FOCAD: variants seen among roughly 807,000 people sequenced by gnomAD.
The protein encoded by FOCAD is focadhesin.
A neutral mutation model predicts 225.6 loss-of-function variants in FOCAD; 198 were observed. That is an observed-to-expected ratio of 0.88 (90% CI 0.78 to 0.99). The LOEUF (loss-of-function observed/expected upper bound fraction) is 0.99, where lower values mean the gene tolerates loss of function less well. Ranked by LOEUF, FOCAD falls within the 50% of genes least tolerant of loss-of-function variation. FOCAD has a pLI of 0.00. For missense variants in FOCAD, 2,713 were observed against 2,123.6 expected (o/e 1.28, Z -5.46); for synonymous variants, 897 against 755.0 (o/e 1.19, Z -3.08).
chr9:20,672,237 T>C (rs1007051718), intron 2 of FOCAD, among the ~76,000 whole-genome samples: 7 of 152,192 alleles, frequency 4.6e-5, no homozygotes, highest in African/African-American at 1.2e-4. Context: ...ATTCAGAAGG[T>C]TGAATTATAA....
At chr9:20,954,308 C>G (rs970057511) in intron 35 of FOCAD, among the ~76,000 whole-genome samples, 2 of 151,998 alleles carry the variant, frequency 1.3e-5, no homozygotes, top group Non-Finnish European at 2.9e-5. Flanking sequence ...AAAATTCTTA[C>G]TAAATGAGAA....
chr9:20,707,699 G>A (rs1456751856), intron 1 of FOCAD, among the ~76,000 whole-genome samples: 1 of 152,142 alleles, frequency 6.6e-6, no homozygotes, highest in Non-Finnish European at 1.5e-5. Context: ...GGAAGAAAAG[G>A]GGAGGTTGGT....
At chr9:20,995,042 C>A (rs1841956080) in intron 43 of FOCAD, among the ~76,000 whole-genome samples, 1 of 152,034 alleles carries the variant, frequency 6.6e-6, no homozygotes, top group Non-Finnish European at 1.5e-5. Flanking sequence ...CCCTGAGGGA[C>A]CTGTGACAGA....
chr9:20,981,781 T>C (rs1010871118), intron 38 of FOCAD, 95 bp downstream of exon 38: 7 of 1,367,396 alleles, frequency 5.1e-6, no homozygotes, highest in African/African-American at 1.5e-5. Context: ...TTTAAGAATG[T>C]GGGTGGGAAG....
At chr9:20,668,425 A>G (rs1563865406) in intron 2 of FOCAD, among the ~76,000 whole-genome samples, 1 of 152,226 alleles carries the variant, frequency 6.6e-6, no homozygotes, top group African/African-American at 2.4e-5. Context: ...GCATTATTAT[A>G]CTGTGCAATA....
intron 15 of FOCAD, among the ~76,000 whole-genome samples, chr9:20,832,049 G>T (rs1007897776): frequency 1.3e-5 from 2 of 152,022 alleles, no homozygotes; most frequent in Non-Finnish European, 2.9e-5. Flanking sequence ...TCTTTTTAGG[G>T]TTGAGTAATA....
At chr9:20,939,360 C>T (rs1564179629) in intron 28 of FOCAD, among the ~76,000 whole-genome samples, 3 of 152,112 alleles carry the variant, frequency 2.0e-5, no homozygotes, top group Admixed American at 6.5e-5. Context: ...TTTCATGTCT[C>T]TTTCCATCCC....
intron 3 of FOCAD, among the ~76,000 whole-genome samples, chr9:20,719,982 C>G: frequency 6.6e-6 from 1 of 151,994 alleles, no homozygotes; most frequent in East Asian, 1.9e-4. Context: ...CTGTTATTGT[C>G]ATTGAAGGCT....
intron 8 of FOCAD, among the ~76,000 whole-genome samples, chr9:20,775,275 G>A (rs1380091898): frequency 6.6e-6 from 1 of 152,164 alleles, no homozygotes; most frequent in Admixed American, 6.5e-5. Flanking sequence ...AAGCAAAACA[G>A]ATGTACCCTG....
At chr9:20,819,050 A>G (rs1824035944) in intron 11 of FOCAD, among the ~76,000 whole-genome samples, 1 of 152,116 alleles carries the variant, frequency 6.6e-6, no homozygotes, top group African/African-American at 2.4e-5. Context: ...TGAAATGAGG[A>G]CTTAGAGGGA....
At chr9:20,816,519 A>G (rs1443199329) in intron 11 of FOCAD, among the ~76,000 whole-genome samples, 5 of 152,102 alleles carry the variant, frequency 3.3e-5, no homozygotes, top group African/African-American at 1.2e-4. Context: ...GATCATAGCT[A>G]TTACATGCAC....
chr9:20,717,645 T>G, intron 2 of FOCAD, 149 bp from the exon 3 acceptor site: 1 of 585,476 alleles, frequency 1.7e-6, no homozygotes, highest in East Asian at 3.0e-5. Context: ...GTGGAGTGCC[T>G]AATTCAATGC....
rs116958198 is a variant in FOCAD, at chr9:20,810,370, A to G, written c.1456-9426A>G. On this transcript the variant is annotated intron_variant, in intron 11 of 43. Transcript: ENST00000338382. ...ACTCCTCCTTCTAACTCTGGTGTAAAACACATTACCAATGACAGACATAGT... is the reference window on the plus strand; with the variant it reads ...ACTCCTCCTTCTAACTCTGGTGTAAGACACATTACCAATGACAGACATAGT... Among the ~76,000 whole-genome samples the G allele has an allele frequency of 3.7e-4, 56 of 152,264 alleles. No individual in the cohort carries two copies. The East Asian group carries it at 0.011, about 29-fold the overall frequency.
At chr9:20,655,951 T>C (rs903081176), upstream of FOCAD, among the ~76,000 whole-genome samples, 16 of 152,148 alleles carry the variant, frequency 1.1e-4, no homozygotes, top group African/African-American at 1.4e-4. Context: ...GCTTTGAATG[T>C]GTCCCAGAGA....
chr9:20,954,210 C>T (rs901195910), intron 35 of FOCAD, among the ~76,000 whole-genome samples: 12 of 151,994 alleles, frequency 7.9e-5, no homozygotes, highest in African/African-American at 1.2e-4. Context: ...ATATATTACA[C>T]GTAATGTACA....
chr9:20,714,109 C>A (rs539029161), intron 1 of FOCAD, among the ~76,000 whole-genome samples: 1 of 152,182 alleles, frequency 6.6e-6, no homozygotes, highest in Non-Finnish European at 1.5e-5. Flanking sequence ...ATCTGAAATG[C>A]TCGGGACCAG....
At chr9:20,914,238 G>C (rs1021374943) in intron 23 of FOCAD, among the ~76,000 whole-genome samples, 3 of 152,122 alleles carry the variant, frequency 2.0e-5, no homozygotes, top group African/African-American at 7.2e-5. Flanking sequence ...ATTTCAAAAA[G>C]TATTTATTGA....
chr9:20,918,464 C>A (rs141056601), intron 24 of FOCAD, among the ~76,000 whole-genome samples: 95 of 152,344 alleles, frequency 6.2e-4, no homozygotes, highest in African/African-American at 2.2e-3. Context: ...TGGCTCACGC[C>A]TGTAATCCCA....
intron 39 of FOCAD, among the ~76,000 whole-genome samples, chr9:20,984,786 A>G (rs1408298572): frequency 1.3e-5 from 2 of 152,098 alleles, no homozygotes; most frequent in Non-Finnish European, 2.9e-5. Context: ...AAACTCAACA[A>G]CTTGTAGTTC....
Sources: allele counts gnomAD v4.1 joint callset (sites outside exome capture counted in the v4.1 genomes callset), GRCh38; gene constraint gnomAD v4.1.1; transcripts MANE v1.5; gene names NCBI Gene and HGNC (gene_info 2026-07-23, HGNC 2026-07-21).